GHR: variants seen among roughly 807,000 people sequenced by gnomAD.
The protein encoded by GHR is growth hormone receptor.
A neutral mutation model predicts 67.1 loss-of-function variants in GHR; 35 were observed. The ratio of observed to expected loss-of-function variants is 0.52; its 90% confidence interval spans 0.40 to 0.69. The LOEUF is 0.69. Among genes scored for constraint, GHR ranks in the 30% least tolerant of loss-of-function variants. The probability of loss-of-function intolerance (pLI) is 0.00; values close to 1 mark genes in which losing one functional copy is unlikely to be tolerated. For missense variants in GHR, 792 were observed against 764.6 expected, an observed-to-expected ratio of 1.04 and a Z score of -0.42; for synonymous variants, 272 against 269.1, an observed-to-expected ratio of 1.01 and a Z score of -0.10.
intron 1 of GHR, among the ~76,000 whole-genome samples, chr5:42,498,547 A>G (rs767801666): frequency 6.6e-5 from 10 of 152,364 alleles, no homozygotes; most frequent in Non-Finnish European, 1.2e-4. Flanking sequence ...TAGTCTCATA[A>G]GCAAATGTCA....
chr5:42,546,958 T>C (rs1400525024), intron 1 of GHR, among the ~76,000 whole-genome samples: 3 of 152,226 alleles, frequency 2.0e-5, no homozygotes, highest in African/African-American at 7.2e-5. Flanking sequence ...TGATTTATAC[T>C]GCAAATTCTG....
chr5:42,606,269 C>G (rs1399617891), intron 2 of GHR, among the ~76,000 whole-genome samples: 1 of 152,192 alleles, frequency 6.6e-6, no homozygotes, highest in Non-Finnish European at 1.5e-5. Flanking sequence ...TCCCAGAGGT[C>G]TTACTAATTA....
At chr5:42,541,850 A>G (rs760306679) in intron 1 of GHR, among the ~76,000 whole-genome samples, 24 of 152,144 alleles carry the variant, frequency 1.6e-4, no homozygotes, top group Non-Finnish European at 3.1e-4. Context: ...GATGAAGGTG[A>G]TATTTACTGA....
chr5:42,718,098 G>A lies in GHR; in HGVS notation c.922G>A (p.Gly308Arg). 1 of 1,560,102 alleles carries A rather than the reference G, an allele frequency of 6.4e-7. No homozygotes were observed. Among genetic ancestry groups the A allele is most frequent in the Non-Finnish European group, 8.8e-7 (1 of 1,130,988 alleles). ...CCCAGTTCCAGTTCCAAAGATTAAAGGAATCGATCCAGATCTCCTCAAGGT... is the reference window on the plus strand; with the variant it reads ...CCCAGTTCCAGTTCCAAAGATTAAAAGAATCGATCCAGATCTCCTCAAGGT... ...LPPVPVPKIK[G>R]IDPDLLKEGK... Residue 308 changes from glycine (G) to arginine (R), a missense_variant, in exon 9 of 10, where the codon GGA (glycine) becomes AGA (arginine). Gly to Arg is a moderately radical substitution (Grantham distance 125, BLOSUM62 -2). Coordinates refer to ENST00000230882, the MANE Select transcript of GHR (RefSeq NM_000163.5).
intron 2 of GHR, among the ~76,000 whole-genome samples, chr5:42,608,732 AAAGT>A (rs1388287631): frequency 6.6e-6 from 1 of 152,192 alleles, no homozygotes; most frequent in African/African-American, 2.4e-5. Flanking sequence ...TTATGTAAAG[AAAGT>A]GAGATTTTGA....
intron 2 of GHR, among the ~76,000 whole-genome samples, chr5:42,571,651 T>A (rs1223627872): frequency 6.6e-6 from 1 of 152,046 alleles, no homozygotes; most frequent in Admixed American, 6.6e-5. Context: ...ATTGAAGGAG[T>A]GGGACCACCC....
intron 2 of GHR, among the ~76,000 whole-genome samples, chr5:42,603,328 G>A (rs917964290): frequency 6.6e-5 from 10 of 152,036 alleles, no homozygotes; most frequent in Admixed American, 1.3e-4. Context: ...GTGTCCTGGC[G>A]TGGGTCTCTT....
rs185384793 is a variant in GHR at position 42,627,946 on chromosome 5, G to A, written c.71-1092G>A. ...AAGGATGAGTGCAAGGTTTTATTGA[G>A]TAGTGGAGGTGGCTCTCAGCAAGAT... On this transcript the variant is annotated intron_variant, in intron 2 of 9. Coordinates refer to ENST00000230882, the MANE Select transcript of GHR (RefSeq NM_000163.5). Among the ~76,000 whole-genome samples, 285 of 152,312 alleles carry A rather than the reference G, an allele frequency of 1.9e-3. 4 individuals are homozygous for A. The Middle Eastern group carries it at 0.024, about 13-fold the overall frequency.
At chr5:42,495,246 T>C (rs1002259886) in intron 1 of GHR, among the ~76,000 whole-genome samples, 1 of 152,006 alleles carries the variant, frequency 6.6e-6, no homozygotes, top group Non-Finnish European at 1.5e-5. Context: ...TCTAGTAAGA[T>C]AGAGTGTTTC....
intron 6 of GHR, among the ~76,000 whole-genome samples, chr5:42,701,507 G>A (rs1757927250): frequency 6.6e-6 from 1 of 152,092 alleles, no homozygotes; most frequent in Admixed American, 6.6e-5. Context: ...TTATTGCTTG[G>A]AGCACCATTT....
At chr5:42,548,436 AG>A (rs1748840613) in intron 1 of GHR, 1 of 984,966 alleles carries the variant, frequency 1.0e-6, no homozygotes. Context: ...TATGAGTGAA[AG>A]AAAAAGGAAA....
At chr5:42,647,108 G>A (rs1250596495) in intron 3 of GHR, among the ~76,000 whole-genome samples, 1 of 152,056 alleles carries the variant, frequency 6.6e-6, no homozygotes, top group Admixed American at 6.6e-5. Flanking sequence ...TATAGTATGT[G>A]GGTGATGCCG....
At chr5:42,508,693 C>A (rs1355952846) in intron 1 of GHR, among the ~76,000 whole-genome samples, 2 of 152,196 alleles carry the variant, frequency 1.3e-5, no homozygotes, top group Non-Finnish European at 2.9e-5. Context: ...CCTGCCTCAG[C>A]CTGCCAAGTA....
chr5:42,553,926 C>CA (rs768303774), intron 1 of GHR, among the ~76,000 whole-genome samples: 2 of 151,848 alleles, frequency 1.3e-5, no homozygotes, highest in East Asian at 1.9e-4. Context: ...TCATCTGTTG[C>CA]AAAAAAGCAC....
intron 3 of GHR, among the ~76,000 whole-genome samples, chr5:42,664,935 G>T (rs946621458): frequency 6.6e-6 from 1 of 152,060 alleles, no homozygotes; most frequent in African/African-American, 2.4e-5. Flanking sequence ...GTGGGCAAAG[G>T]ACATGAACAG....
intron 3 of GHR, among the ~76,000 whole-genome samples, chr5:42,635,045 G>C (rs1284493677): frequency 6.6e-6 from 1 of 151,688 alleles, no homozygotes; most frequent in Non-Finnish European, 1.5e-5. Flanking sequence ...AAGCAGTAGA[G>C]AGCAGATTTG....
At chr5:42,587,021 C>A (rs1446748130) in intron 2 of GHR, among the ~76,000 whole-genome samples, 10 of 146,570 alleles carry the variant, frequency 6.8e-5, no homozygotes, top group Non-Finnish European at 1.3e-4. Context: ...GTAATACACA[C>A]TGAAAAAAAA....
chr5:42,559,630 T>A (rs1247848764), intron 1 of GHR, among the ~76,000 whole-genome samples: 2 of 152,210 alleles, frequency 1.3e-5, no homozygotes, highest in African/African-American at 4.8e-5. Flanking sequence ...CCAAAAGTCT[T>A]TTCCCCCCTC....
Position 42,481,069 on chromosome 5 carries a change from T to G in GHR, c.-12+57114T>G, listed in dbSNP as rs377462940. Among the ~76,000 whole-genome samples, 18 of 152,180 alleles carry G rather than the reference T, an allele frequency of 1.2e-4. No individual in the cohort carries two copies. In the East Asian group the frequency reaches 1.7e-3, roughly 15 times the overall value. On this transcript the variant is annotated intron_variant, in intron 1 of 9. Coordinates refer to ENST00000230882, the MANE Select transcript of GHR (RefSeq NM_000163.5). ...TTTAGTGCTTCCTTCAGGAGCTCTT[T>G]TAGGGCAGGCCTGGTGGTGACAAAA...
Sources: gnomAD v4.1 joint callset for allele counts (sites outside exome capture counted in the v4.1 genomes callset) on GRCh38, gnomAD v4.1.1 for gene constraint, MANE v1.5 for transcripts, NCBI Gene and HGNC (gene_info 2026-07-23, HGNC 2026-07-21) for gene names.